Variants in RAB19 observed in about 807,000 individuals in gnomAD.
RAB19 encodes the protein ras-related protein Rab-19.
In RAB19, 21 loss-of-function variants were observed where a neutral mutation model predicts 17.3. The observed-to-expected ratio is 1.21, with a 90% CI of 0.86 to 1.74. The LOEUF is 1.74. RAB19 is among the 40% of genes most tolerant of loss of function. The probability of loss-of-function intolerance (pLI) is 0.00; values close to 1 mark genes in which losing one functional copy is unlikely to be tolerated. For missense variants in RAB19, 277 were observed against 286.8 expected, an observed-to-expected ratio of 0.97 and a Z score of 0.25; for synonymous variants, 126 against 110.4, an observed-to-expected ratio of 1.14 and a Z score of -0.88.
At position 140,426,252 on chromosome 7, in the gene RAB19, G is replaced by A. The variant is rs768376469; in HGVS notation, c.*102G>A. 98 of 1,382,918 alleles carry A rather than the reference G, an allele frequency of 7.1e-5. No individual in the cohort carries two copies. The highest frequency in any genetic ancestry group is 9.7e-5 in the East Asian group (4 of 41,034). 85.7% of individuals were successfully genotyped at this position (1,382,918 alleles called of 1,614,324 possible). A position where few individuals can be genotyped will look rare whatever the true frequency, so the allele number is the denominator to read the frequency against. ...CCCCAGTGGCGCTTTAGACCCCAGC[G>A]TGGACTTGCCGCTCACCCCTAATCC... On this transcript the variant is annotated 3_prime_UTR_variant, in exon 4 of 4. Transcript: ENST00000537763.
At chr7:140,413,313 T>C (rs757312751) in intron 3 of RAB19, among the ~76,000 whole-genome samples, 5 of 151,650 alleles carry the variant, frequency 3.3e-5, no homozygotes, top group Non-Finnish European at 5.9e-5. Flanking sequence ...TCAGGCAATG[T>C]GATTCCTCTA....
intron 3 of RAB19, among the ~76,000 whole-genome samples, chr7:140,416,261 G>A (rs1318956742): frequency 6.6e-6 from 1 of 152,068 alleles, no homozygotes; most frequent in African/African-American, 2.4e-5. Context: ...CCAGGAGGTG[G>A]ATGTTGCAGT....
At chr7:140,419,582 T>G (rs1799522374) in intron 3 of RAB19, among the ~76,000 whole-genome samples, 2 of 152,192 alleles carry the variant, frequency 1.3e-5, no homozygotes, top group African/African-American at 2.4e-5. Flanking sequence ...GCTTCTATTT[T>G]GGGGCAACTA....
At position 140,411,259 on chromosome 7, in the gene RAB19, G is replaced by T. The variant is rs556804062; in HGVS notation, c.202-615G>T. ...CTAAAAATACAAAAAAATTAGCTGG[G>T]CATGGTGGCGGGCGCCTGTAGTCCC... is the stretch of plus-strand genomic sequence containing the variant. On this transcript the variant is annotated intron_variant, in intron 2 of 3. Transcript: ENST00000537763. 9.2e-5 allele frequency among the ~76,000 whole-genome samples: 14 copies of T among 152,284 alleles called. No homozygotes were observed. In the East Asian group the frequency reaches 2.5e-3, roughly 27 times the overall value.
intron 1 of RAB19, among the ~76,000 whole-genome samples, chr7:140,405,513 C>T (rs942418849): frequency 3.3e-5 from 5 of 150,852 alleles, no homozygotes; most frequent in African/African-American, 1.2e-4. Context: ...TGAGCCACTG[C>T]CCCTGGCCTA....
At chr7:140,408,988 G>C (rs935163991) in intron 2 of RAB19, among the ~76,000 whole-genome samples, 1 of 152,138 alleles carries the variant, frequency 6.6e-6, no homozygotes, top group African/African-American at 2.4e-5. Flanking sequence ...TCAAACTCCT[G>C]GGCTCAAACA....
Position 140,411,912 on chromosome 7 carries a change from C to T in RAB19, c.240C>T (p.Arg80=), listed in dbSNP as rs768829954. 1.2e-6 allele frequency: 2 copies of T among 1,614,208 alleles called. No homozygotes were observed. The highest frequency in any genetic ancestry group is 1.7e-5 in the Admixed American group (1 of 60,004). ...ACACAGCTGGCCAGGAGCGCTTCCG[C>T]ACCATCACCCAAAGCTACTACCGCA... is the stretch of plus-strand genomic sequence containing the variant. The part of the protein sequence containing the change: ...VWDTAGQERF[R]TITQSYYRSA... Residue 80 remains arginine, a synonymous_variant, in exon 3 of 4, where the codon CGC becomes CGT. Coordinates refer to ENST00000537763, the MANE Select transcript of RAB19 (RefSeq NM_001008749.3).
Position 140,426,050 on chromosome 7 carries a change from T to G in RAB19, c.554T>G (p.Leu185Arg). 6.2e-7 allele frequency: 1 copy of G among 1,614,182 alleles called. No homozygotes were observed. The highest frequency in any genetic ancestry group is 8.5e-7 in the Non-Finnish European group (1 of 1,180,036). The part of the protein sequence containing the change: ...MAKELIARNS[L>R]HLYGESALNG... ...AAGGAGCTGATCGCGCGCAACAGCC[T>G]GCACCTATATGGGGAGAGTGCCCTG... The change falls in exon 4 of 4, where the codon CTG (leucine) becomes CGG (arginine). Residue 185 changes from leucine (L) to arginine (R), a missense_variant. Transcript: ENST00000537763.
chr7:140,425,770 G>A (rs547384873), intron 3 of RAB19, 112 bp from the exon 4 acceptor site: 2 of 1,133,180 alleles, frequency 1.8e-6, no homozygotes, highest in East Asian at 2.4e-5. Flanking sequence ...GACCATTTGT[G>A]AATGAATGCA....
chr7:140,413,787 C>T (rs565792111), intron 3 of RAB19, among the ~76,000 whole-genome samples: 4 of 152,246 alleles, frequency 2.6e-5, no homozygotes, highest in East Asian at 1.9e-4. Context: ...GGCATACAAA[C>T]GGCCGGGGTG....
In RAB19 at chr7:140,404,079, C is replaced by T. The variant is rs1466014721; in HGVS notation, c.-162C>T. The stretch of plus-strand genomic sequence containing the variant: ...TTTCACTTTCTCAGGACGCCAAACC[C>T]GACACCTGGGGCCAGAACTACACTT... On this transcript the variant is annotated 5_prime_UTR_variant, in exon 1 of 4. Transcript: ENST00000537763. The T allele has an allele frequency of 6.6e-6, 1 of 152,142 alleles. No homozygotes were observed. Among genetic ancestry groups the T allele is most frequent in the Non-Finnish European group, 1.5e-5 (1 of 68,134 alleles). The allele number at this position is 152,142 out of a possible 1,614,324, so 9.4% of individuals were successfully genotyped here. A position where few individuals can be genotyped will look rare whatever the true frequency, so the allele number is the denominator to read the frequency against.
chr7:140,406,074 A>G (rs1433720048), intron 1 of RAB19, among the ~76,000 whole-genome samples: 1 of 151,666 alleles, frequency 6.6e-6, no homozygotes, highest in African/African-American at 2.4e-5. Context: ...AAAACCCTGT[A>G]TCGACTAAAA....
chr7:140,412,896 A>G (rs1327172476), intron 3 of RAB19, among the ~76,000 whole-genome samples: 1 of 151,062 alleles, frequency 6.6e-6, no homozygotes, highest in African/African-American at 2.4e-5. Flanking sequence ...AGGGCGAGGC[A>G]GGTAAATTGC....
chr7:140,423,250 G>A (rs564997779), intron 3 of RAB19, among the ~76,000 whole-genome samples: 12 of 152,208 alleles, frequency 7.9e-5, no homozygotes, highest in African/African-American at 2.9e-4. Context: ...GGCCAGCCTG[G>A]CCAACATGGT....
rs931392814 is a variant in RAB19, at chr7:140,427,653, C to T, written c.*1503C>T. ...TTTTAGTAGAGGCAGGGTTTCACCA[C>T]GTTGGCCAGGCTGGTCTCGAACTCC... On this transcript the variant is annotated 3_prime_UTR_variant, in exon 4 of 4. Transcript: ENST00000537763. Among the ~76,000 whole-genome samples, 3 of 151,626 alleles carry T rather than the reference C, an allele frequency of 2.0e-5. No homozygotes were observed. The highest frequency in any genetic ancestry group is 2.9e-5 in the Non-Finnish European group (2 of 67,930).
chr7:140,425,193 C>T (rs866041183), intron 3 of RAB19, among the ~76,000 whole-genome samples: 1 of 151,736 alleles, frequency 6.6e-6, no homozygotes, highest in African/African-American at 2.4e-5. Flanking sequence ...GTCTGAGGCA[C>T]GAGAATCGTT....
At position 140,418,444 on chromosome 7, in the gene RAB19, C is replaced by T. The variant is rs181675188; in HGVS notation, c.385+6387C>T. Among the ~76,000 whole-genome samples, 202 of 149,034 alleles carry T rather than the reference C, an allele frequency of 1.4e-3. 1 individual carries two copies. The highest frequency in any genetic ancestry group is 4.7e-3 in the African/African-American group (191 of 40,410). ...AAAATTAGCCGGGCGTGGCAGTATG[C>T]ACCTGTATGTAGTCCCAGCTACTCG... is the stretch of plus-strand genomic sequence containing the variant. On this transcript the variant is annotated intron_variant, in intron 3 of 3. Coordinates refer to ENST00000537763, the MANE Select transcript of RAB19 (RefSeq NM_001008749.3).
At chr7:140,407,031 A>G (rs919163008) in intron 1 of RAB19, among the ~76,000 whole-genome samples, 1 of 152,106 alleles carries the variant, frequency 6.6e-6, no homozygotes, top group Non-Finnish European at 1.5e-5. Context: ...GATTATAGGC[A>G]TGCGCCACCA....
intron 3 of RAB19, among the ~76,000 whole-genome samples, chr7:140,423,465 G>A (rs946317836): frequency 1.3e-5 from 2 of 151,742 alleles, no homozygotes; most frequent in African/African-American, 4.8e-5. Context: ...ACAAATGTTG[G>A]TCCATGCATA....
Sources: gnomAD v4.1 joint callset for allele counts (sites outside exome capture counted in the v4.1 genomes callset) on GRCh38, gnomAD v4.1.1 for gene constraint, MANE v1.5 for transcripts, NCBI Gene and HGNC (gene_info 2026-07-23, HGNC 2026-07-21) for gene names.